Variants in ABCA1 observed in about 807,000 individuals in gnomAD.
ABCA1 encodes phospholipid-transporting ATPase ABCA1.
In ABCA1, 133 loss-of-function variants were observed where a neutral mutation model predicts 262.5. The observed-to-expected ratio is 0.51, with a 90% CI of 0.44 to 0.59. ABCA1 has a LOEUF of 0.59. Among genes scored for constraint, ABCA1 ranks in the 20% least tolerant of loss-of-function variants. The pLI is 0.00. For synonymous variants in ABCA1, 1,022 were observed against 1,043.5 expected (o/e 0.98, Z 0.40); for missense variants, 2,452 against 2,777.5 (o/e 0.88, Z 2.63).
At chr9:104,874,134 T>A (rs887788637) in intron 5 of ABCA1, among the ~76,000 whole-genome samples, 1 of 152,220 alleles carries the variant, frequency 6.6e-6, no homozygotes, top group African/African-American at 2.4e-5. Flanking sequence ...GAGTCCTTAG[T>A]ACTATCAGTA....
chr9:104,837,064 G>C lies in ABCA1; in HGVS notation c.1227C>G (p.Phe409Leu), dbSNP rs1332525147. Residue 409 changes from phenylalanine to leucine, a missense_variant, in exon 11 of 50, where the codon TTC becomes TTG. This residue lies in a region of ABCA1 where 1,032 missense variants were observed against 1,089.7 expected (regional missense o/e 0.95). Coordinates refer to ENST00000374736, the MANE Select transcript of ABCA1 (RefSeq NM_005502.4). Reference sequence around the variant, plus strand: ...CCTCCCACATGCCTTCCAGATCATGGAACACAGCCAGTTCCTGGAAGGTCT... The same window carrying C: ...CCTCCCACATGCCTTCCAGATCATGCAACACAGCCAGTTCCTGGAAGGTCT... Reference protein sequence around the residue: ...VNKTFQELAVFHDLEGMWEEL... With the variant: ...VNKTFQELAVLHDLEGMWEEL... 5 of 1,613,798 alleles carry C rather than the reference G, an allele frequency of 3.1e-6. No individual in the cohort carries two copies. In the African/African-American group the frequency reaches 5.3e-5, roughly 17 times the overall value.
rs890912572 is a variant in ABCA1 at position 104,832,829 on chromosome 9, T to C, written c.1312-58A>G. The C allele has an allele frequency of 8.8e-6, 13 of 1,479,250 alleles. No homozygotes were observed. In the African/African-American group the frequency reaches 1.7e-4, roughly 19 times the overall value. 91.6% of individuals were successfully genotyped at this position (1,479,250 alleles called of 1,614,324 possible). On this transcript the variant is annotated intron_variant, in intron 11 of 49. Transcript: ENST00000374736. ...ACACCAACTAAATCTTGAGGAGCAC[T>C]ACAAAATTTACAAAATACTTGCATA...
intron 5 of ABCA1, among the ~76,000 whole-genome samples, chr9:104,865,667 GA>G (rs1186121994): frequency 6.6e-6 from 1 of 152,110 alleles, no homozygotes; most frequent in Non-Finnish European, 1.5e-5. Context: ...GTGACTGTGA[GA>G]AAGTGACTTT....
Position 104,855,986 on chromosome 9 carries a change from C to A in ABCA1, c.720+2536G>T, listed in dbSNP as rs767292269. The A allele has an allele frequency of 1.1e-5, 17 of 1,612,920 alleles. No homozygotes were observed. In the South Asian group the frequency reaches 1.9e-4, roughly 18 times the overall value. On this transcript the variant is annotated intron_variant, in intron 7 of 49. Coordinates refer to ENST00000374736, the MANE Select transcript of ABCA1 (RefSeq NM_005502.4). ...GAAGCACATATTGAAAGAAGAGTTT[C>A]TCTCCCCATCATGTTGGGCTTTGCA...
intron 8 of ABCA1, among the ~76,000 whole-genome samples, chr9:104,843,423 C>A (rs1049603183): frequency 6.6e-6 from 1 of 152,174 alleles, no homozygotes; most frequent in East Asian, 1.9e-4. Flanking sequence ...TCTGCTAGTG[C>A]GTATTTTCTT....
intron 18 of ABCA1, among the ~76,000 whole-genome samples, chr9:104,823,170 G>C (rs766514874): frequency 5.9e-5 from 9 of 152,198 alleles, no homozygotes; most frequent in Non-Finnish European, 1.2e-4. Flanking sequence ...ATTAGTGGTT[G>C]ACAGGTGTCA....
chr9:104,848,577 T>C (rs1159687588), intron 7 of ABCA1, among the ~76,000 whole-genome samples: 2 of 146,968 alleles, frequency 1.4e-5, no homozygotes, highest in Non-Finnish European at 3.0e-5. Flanking sequence ...ATGGCGCCAA[T>C]ACACTCCAGC....
At chr9:104,867,487 G>GC (rs1250654777) in intron 5 of ABCA1, among the ~76,000 whole-genome samples, 1 of 152,196 alleles carries the variant, frequency 6.6e-6, no homozygotes, top group African/African-American at 2.4e-5. Flanking sequence ...GGCTTTGGCG[G>GC]CTAAGTTGAG....
intron 11 of ABCA1, among the ~76,000 whole-genome samples, chr9:104,833,567 A>G (rs1009768312): frequency 6.6e-6 from 1 of 152,130 alleles, no homozygotes; most frequent in East Asian, 1.9e-4. Flanking sequence ...CACAGCTATT[A>G]AGTAGCAAAG....
chr9:104,819,760 G>A, intron 21 of ABCA1, 37 bp from the exon 22 acceptor site: 1 of 1,613,980 alleles, frequency 6.2e-7, no homozygotes, highest in South Asian at 1.1e-5. Context: ...TCCAGGACCA[G>A]CCCCAGACAG....
chr9:104,914,045 C>G (rs1358867049), intron 1 of ABCA1, among the ~76,000 whole-genome samples: 1 of 151,758 alleles, frequency 6.6e-6, no homozygotes, highest in Non-Finnish European at 1.5e-5. Context: ...GTGATCCACC[C>G]GCCTCAGCCT....
Position 104,787,017 on chromosome 9 carries a change from A to G in ABCA1, c.6205-41T>C, listed in dbSNP as rs745820202. The G allele has an allele frequency of 3.2e-6, 5 of 1,553,274 alleles. 1 individual carries two copies. The highest frequency in any genetic ancestry group is 2.3e-5 in the South Asian group (2 of 85,388). On this transcript the variant is annotated intron_variant, in intron 46 of 49. Transcript: ENST00000374736. ...AATAAGTCTTATTTGCTGGGGGGAAAAAAAATCAAAGATAAATTTGTTTTT... is the reference window on the plus strand; with the variant it reads ...AATAAGTCTTATTTGCTGGGGGGAAGAAAAATCAAAGATAAATTTGTTTTT...
intron 1 of ABCA1, among the ~76,000 whole-genome samples, chr9:104,910,169 C>G (rs189480922): frequency 1.3e-5 from 2 of 152,326 alleles, no homozygotes; most frequent in East Asian, 3.9e-4. Flanking sequence ...CAAGTGTCAA[C>G]ATCTCACTGG....
At chr9:104,912,787 A>G (rs1841580590) in intron 1 of ABCA1, among the ~76,000 whole-genome samples, 1 of 151,726 alleles carries the variant, frequency 6.6e-6, no homozygotes, top group Admixed American at 6.6e-5. Flanking sequence ...TTTCCTCTAG[A>G]AAAGAAATCA....
chr9:104,871,472 G>A (rs575521214), intron 5 of ABCA1, among the ~76,000 whole-genome samples: 40 of 152,310 alleles, frequency 2.6e-4, no homozygotes, highest in Middle Eastern at 3.4e-3. Flanking sequence ...TGCAGCCCCA[G>A]AGGGAAAGGA....
chr9:104,825,798 C>A lies in ABCA1; in HGVS notation c.2427G>T (p.Leu809=). ...EQGIGVQWDN[L]FESPVEEDGF... ...CATCTTCCTCCACAGGACTCTCAAA[C>A]AGGTTGTCCCACTGCACTCCAATGC... The change falls in exon 17 of 50, where the codon CTG becomes CTT. Residue 809 remains leucine, a synonymous_variant. Coordinates refer to ENST00000374736, the MANE Select transcript of ABCA1 (RefSeq NM_005502.4). The A allele has an allele frequency of 6.2e-7, 1 of 1,614,202 alleles. No homozygotes were observed. The highest frequency in any genetic ancestry group is 8.5e-7 in the Non-Finnish European group (1 of 1,180,038).
rs1292361940 is a variant in ABCA1, at chr9:104,825,840, G to A, written c.2385C>T (p.Ala795=). 2 of 1,614,186 alleles carry A rather than the reference G, an allele frequency of 1.2e-6. No individual in the cohort carries two copies. Among genetic ancestry groups the A allele is most frequent in the South Asian group, 1.1e-5 (1 of 91,086 alleles). ...CTCCAATGCCCTGCTCCTCAAAAAG[G>A]GCAAAGTACTCACAGCCAAACCCAA... ...VAFGFGCEYF[A]LFEEQGIGVQ... Residue 795 remains alanine (A), a synonymous_variant, in exon 17 of 50, where the codon GCC becomes GCT. Transcript: ENST00000374736.
At chr9:104,800,947 G>A (rs1830281088) in intron 34 of ABCA1, among the ~76,000 whole-genome samples, 1 of 151,940 alleles carries the variant, frequency 6.6e-6, no homozygotes, top group Non-Finnish European at 1.5e-5. Context: ...CCAGATACAT[G>A]GGCCCATCAC....
chr9:104,785,600 C>T lies in ABCA1; in HGVS notation c.6441G>A (p.Gly2147=), dbSNP rs772632471. The change falls in exon 49 of 50, where the codon GGG becomes GGA. Residue 2147 remains glycine, a synonymous_variant. Transcript: ENST00000374736. The stretch of plus-strand genomic sequence containing the variant: ...GGACAGGCTTCAGGTCCGGGTTGGA[C>T]CCTGCTATTCGTACAACTATTGTAT... The part of the protein sequence containing the change: ...DGYTIVVRIA[G]SNPDLKPVQD... The T allele has an allele frequency of 1.2e-6, 2 of 1,614,052 alleles. No homozygotes were observed. Among genetic ancestry groups the T allele is most frequent in the South Asian group, 1.1e-5 (1 of 91,072 alleles).
Sources: gnomAD v4.1 joint callset for allele counts (sites outside exome capture counted in the v4.1 genomes callset) on GRCh38, gnomAD v4.1.1 for gene constraint, gnomAD v4.1.1 regional missense constraint, MANE v1.5 for transcripts, NCBI Gene and HGNC (gene_info 2026-07-23, HGNC 2026-07-21) for gene names.